The following FARS2 variants were observed in gnomAD, a reference collection of about 807,000 sequenced individuals.
FARS2 encodes phenylalanine--tRNA ligase, mitochondrial.
A neutral mutation model predicts 46.4 loss-of-function variants in FARS2; 40 were observed. That is an observed-to-expected ratio of 0.86 (90% CI 0.67 to 1.12). FARS2 has a LOEUF of 1.12. Ranked by LOEUF, FARS2 falls within the 50% of genes most tolerant of loss-of-function variation. FARS2 has a pLI of 0.00. For missense variants in FARS2, 513 were observed against 567.9 expected, an observed-to-expected ratio of 0.90 and a Z score of 0.98; for synonymous variants, 234 against 214.9, an observed-to-expected ratio of 1.09 and a Z score of -0.78.
chr6:5,686,457 G>GT (rs1447310114), intron 6 of FARS2, among the ~76,000 whole-genome samples: 2 of 152,022 alleles, frequency 1.3e-5, no homozygotes, highest in African/African-American at 2.4e-5. Context: ...GTGGTGTTCG[G>GT]TTTTTTGTCC....
chr6:5,543,950 T>C (rs1342537784), intron 4 of FARS2, among the ~76,000 whole-genome samples: 5 of 151,628 alleles, frequency 3.3e-5, no homozygotes, highest in African/African-American at 1.2e-4. Flanking sequence ...ATTGACTATA[T>C]CATAATATCC....
chr6:5,675,239 C>CACACACAT (rs58392905), intron 6 of FARS2, among the ~76,000 whole-genome samples: 1 of 145,764 alleles, frequency 6.9e-6, no homozygotes, highest in African/African-American at 2.5e-5. Flanking sequence ...CACACACACA[C>CACACACAT]GGTGCTATGT....
chr6:5,713,179 T>C (rs1759288046), intron 6 of FARS2, among the ~76,000 whole-genome samples: 1 of 152,228 alleles, frequency 6.6e-6, no homozygotes, highest in African/African-American at 2.4e-5. Flanking sequence ...ATGGATACAT[T>C]TGACAGGGAA....
chr6:5,283,548 CA>C (rs11397113), intron 1 of FARS2, among the ~76,000 whole-genome samples: 3,433 of 124,942 alleles, frequency 0.027, 46 homozygotes, highest in Non-Finnish European at 0.033. Context: ...GACTTTGTTT[CA>C]AAAAAAAAAA....
At chr6:5,645,715 C>G (rs1777042985) in intron 6 of FARS2, among the ~76,000 whole-genome samples, 1 of 152,192 alleles carries the variant, frequency 6.6e-6, no homozygotes, top group African/African-American at 2.4e-5. Context: ...CTGCTTTTGT[C>G]TTGGCAAATG....
chr6:5,529,888 A>G (rs945732371), intron 4 of FARS2, among the ~76,000 whole-genome samples: 9 of 152,292 alleles, frequency 5.9e-5, no homozygotes, highest in South Asian at 4.2e-4. Flanking sequence ...AAATAAGCCC[A>G]AGCTAGCTGG....
At chr6:5,644,338 A>G (rs1056126366) in intron 6 of FARS2, among the ~76,000 whole-genome samples, 2 of 151,852 alleles carry the variant, frequency 1.3e-5, no homozygotes, top group African/African-American at 4.8e-5. Flanking sequence ...TCAGCCTCCC[A>G]AGTAGCTGAG....
chr6:5,717,908 CTA>C (rs58922507), intron 6 of FARS2, among the ~76,000 whole-genome samples: 29,415 of 77,244 alleles, frequency 0.38, 3,712 homozygotes, highest in East Asian at 0.63. Context: ...AAGGTATCAG[CTA>C]TATATATATA....
chr6:5,567,097 T>G (rs966264581), intron 5 of FARS2, among the ~76,000 whole-genome samples: 4 of 152,248 alleles, frequency 2.6e-5, no homozygotes, highest in Non-Finnish European at 4.4e-5. Context: ...CAGTCTATAC[T>G]CTATAGTGGC....
chr6:5,586,443 G>T (rs182747214), intron 5 of FARS2, among the ~76,000 whole-genome samples: 78 of 152,216 alleles, frequency 5.1e-4, no homozygotes, highest in African/African-American at 1.9e-3. Flanking sequence ...CCTCTTTTGA[G>T]ATGATTGCAT....
At chr6:5,609,619 A>T (rs1775059550) in intron 5 of FARS2, 1 of 1,214,554 alleles carries the variant, frequency 8.2e-7, no homozygotes, top group Admixed American at 1.7e-5. Context: ...TTTGGCTGAA[A>T]GAAGCACTCA....
At chr6:5,632,753 T>A (rs1012527033) in intron 6 of FARS2, among the ~76,000 whole-genome samples, 1 of 152,178 alleles carries the variant, frequency 6.6e-6, no homozygotes, top group Admixed American at 6.5e-5. Flanking sequence ...GAACATCTTT[T>A]AATGTGCTTT....
chr6:5,589,167 G>C (rs984021242), intron 5 of FARS2, among the ~76,000 whole-genome samples: 4 of 152,110 alleles, frequency 2.6e-5, no homozygotes, highest in Admixed American at 1.3e-4. Flanking sequence ...GTGGTAAAAA[G>C]CCAAGAGCTA....
intron 4 of FARS2, among the ~76,000 whole-genome samples, chr6:5,531,588 T>C (rs1157675317): frequency 6.6e-6 from 1 of 152,216 alleles, no homozygotes; most frequent in African/African-American, 2.4e-5. Flanking sequence ...GTCTGCTCTG[T>C]ACCATGAAAA....
At chr6:5,356,019 T>TTCCC (rs1351578240) in intron 1 of FARS2, among the ~76,000 whole-genome samples, 1 of 152,208 alleles carries the variant, frequency 6.6e-6, no homozygotes, top group Non-Finnish European at 1.5e-5. Flanking sequence ...GATGCGCATG[T>TTCCC]TCCCAGCTGA....
At chr6:5,261,101 C>G (rs150784522), upstream of FARS2, 5,961 of 291,110 alleles carry the variant, frequency 0.02, 75 homozygotes, top group Middle Eastern at 0.035. Flanking sequence ...CAGCCAAGCT[C>G]CTGGCGGACG....
At chr6:5,466,782 A>T in intron 4 of FARS2, 1 of 983,274 alleles carries the variant, frequency 1.0e-6, no homozygotes, top group Non-Finnish European at 1.2e-6. Flanking sequence ...ACCCCTGGTG[A>T]TTCTGGTGCA....
chr6:5,334,887 A>G (rs1447631221), intron 1 of FARS2, among the ~76,000 whole-genome samples: 2 of 152,014 alleles, frequency 1.3e-5, no homozygotes, highest in East Asian at 1.9e-4. Flanking sequence ...TAGTCTTGGC[A>G]TATCAGCCAT....
intron 6 of FARS2, among the ~76,000 whole-genome samples, chr6:5,737,014 T>G (rs1394045725): frequency 6.6e-6 from 1 of 152,232 alleles, no homozygotes; most frequent in Non-Finnish European, 1.5e-5. Context: ...CATTTAAATT[T>G]ACTCTACTTT....
Sources: gnomAD v4.1 joint callset for allele counts (sites outside exome capture counted in the v4.1 genomes callset) on GRCh38, gnomAD v4.1.1 for gene constraint, MANE v1.5 for transcripts, NCBI Gene and HGNC (gene_info 2026-07-23, HGNC 2026-07-21) for gene names.